The following MEIKIN variants were observed in gnomAD, a reference collection of about 807,000 sequenced individuals.
The protein encoded by MEIKIN is meiotic kinetochore factor.
At chr5:131,890,881 GT>G (rs1474493913) in intron 8 of MEIKIN, among the ~76,000 whole-genome samples, 1 of 152,190 alleles carries the variant, frequency 6.6e-6, no homozygotes, top group Non-Finnish European at 1.5e-5. Context: ...TCTACACACT[GT>G]TTTGTATGTG....
At chr5:131,842,488 G>T (rs961278006) in intron 11 of MEIKIN, among the ~76,000 whole-genome samples, 1 of 152,032 alleles carries the variant, frequency 6.6e-6, no homozygotes, top group Non-Finnish European at 1.5e-5. Context: ...TACCTAATTT[G>T]TTGAGAGTTT....
intron 11 of MEIKIN, among the ~76,000 whole-genome samples, chr5:131,847,546 A>G (rs978163574): frequency 1.1e-4 from 16 of 152,108 alleles, no homozygotes; most frequent in African/African-American, 3.9e-4. Flanking sequence ...TATGAAGTAA[A>G]AACTGACAGA....
At chr5:131,872,466 T>C (rs1412225746) in intron 9 of MEIKIN, among the ~76,000 whole-genome samples, 1 of 152,034 alleles carries the variant, frequency 6.6e-6, no homozygotes, top group African/African-American at 2.4e-5. Context: ...TAAAAAGAAA[T>C]GAACAAGGCT....
chr5:131,929,800 GC>G (rs1358250446), intron 5 of MEIKIN, among the ~76,000 whole-genome samples: 1 of 152,160 alleles, frequency 6.6e-6, no homozygotes, highest in Non-Finnish European at 1.5e-5. Context: ...TTCTGTTCCT[GC>G]ATTAATTTGC....
chr5:131,898,053 G>T (rs1241829473), intron 8 of MEIKIN, among the ~76,000 whole-genome samples: 1 of 152,108 alleles, frequency 6.6e-6, no homozygotes, highest in African/African-American at 2.4e-5. Context: ...TCTACCTTTG[G>T]TCTTTGATGT....
chr5:131,876,871 T>C (rs1405907018), intron 9 of MEIKIN, among the ~76,000 whole-genome samples: 1 of 151,936 alleles, frequency 6.6e-6, no homozygotes, highest in Non-Finnish European at 1.5e-5. Context: ...CTGGAAACCA[T>C]CATTCTCAGC....
At chr5:131,900,437 C>T (rs1273127817) in intron 8 of MEIKIN, among the ~76,000 whole-genome samples, 1 of 152,140 alleles carries the variant, frequency 6.6e-6, no homozygotes, top group East Asian at 1.9e-4. Flanking sequence ...TAGCAACCCA[C>T]CCTTACCATG....
At chr5:131,840,170 G>T (rs1368171440) in intron 11 of MEIKIN, among the ~76,000 whole-genome samples, 1 of 152,206 alleles carries the variant, frequency 6.6e-6, no homozygotes, top group Non-Finnish European at 1.5e-5. Context: ...CTTTCCTTAA[G>T]AATGTTGAAT....
chr5:131,885,127 T>G (rs1244004801), intron 8 of MEIKIN, among the ~76,000 whole-genome samples: 1 of 152,070 alleles, frequency 6.6e-6, no homozygotes, highest in Non-Finnish European at 1.5e-5. Flanking sequence ...GGGAAGGACA[T>G]AAGCTTAGTT....
At chr5:131,880,826 TA>T (rs1750691865) in intron 8 of MEIKIN, among the ~76,000 whole-genome samples, 1 of 152,216 alleles carries the variant, frequency 6.6e-6, no homozygotes, top group African/African-American at 2.4e-5. Context: ...CCAGATAAAA[TA>T]CACTATGCCC....
At chr5:131,815,238 G>C (rs1379479073) in intron 12 of MEIKIN, among the ~76,000 whole-genome samples, 1 of 152,198 alleles carries the variant, frequency 6.6e-6, no homozygotes, top group African/African-American at 2.4e-5. Flanking sequence ...TGCTAAAGAA[G>C]CTGGCCTAAT....
chr5:131,830,670 T>C (rs907877249), intron 11 of MEIKIN, among the ~76,000 whole-genome samples: 3 of 152,324 alleles, frequency 2.0e-5, no homozygotes, highest in South Asian at 2.1e-4. Flanking sequence ...TGGTCCAAAA[T>C]GTAGGCATGT....
At chr5:131,887,300 T>C (rs1051287730) in intron 8 of MEIKIN, among the ~76,000 whole-genome samples, 1 of 152,174 alleles carries the variant, frequency 6.6e-6, no homozygotes, top group African/African-American at 2.4e-5. Context: ...ATATTGTTTA[T>C]ATGTGTGCAT....
chr5:131,900,950 C>T (rs116588548), intron 8 of MEIKIN, among the ~76,000 whole-genome samples: 232 of 152,274 alleles, frequency 1.5e-3, no homozygotes, highest in African/African-American at 5.4e-3. Flanking sequence ...ACACCTAGAC[C>T]GCTTTGCTTG....
chr5:131,928,383 G>A (rs13173991), intron 5 of MEIKIN, among the ~76,000 whole-genome samples: 2 of 151,842 alleles, frequency 1.3e-5, no homozygotes, highest in South Asian at 2.1e-4. Flanking sequence ...TGTATATATC[G>A]ATAATGCTTT....
At chr5:131,864,504 C>T (rs1750349124) in intron 9 of MEIKIN, among the ~76,000 whole-genome samples, 1 of 152,166 alleles carries the variant, frequency 6.6e-6, no homozygotes, top group African/African-American at 2.4e-5. Context: ...ATATAGTATC[C>T]TCGGCTGGCA....
chr5:131,813,505 A>C (rs1197392821), intron 12 of MEIKIN, among the ~76,000 whole-genome samples: 1 of 149,836 alleles, frequency 6.7e-6, no homozygotes, highest in Non-Finnish European at 1.5e-5. Context: ...TGGCTCACTG[A>C]AAGCTCCGCC....
At chr5:131,814,595 T>C (rs988063590) in intron 12 of MEIKIN, among the ~76,000 whole-genome samples, 1 of 151,304 alleles carries the variant, frequency 6.6e-6, no homozygotes, top group African/African-American at 2.4e-5. Context: ...CCTCTCTCAA[T>C]GGGAAAAAAA....
chr5:131,835,224 GTA>G (rs1328078058), intron 11 of MEIKIN, among the ~76,000 whole-genome samples: 3 of 150,864 alleles, frequency 2.0e-5, no homozygotes, highest in Non-Finnish European at 4.4e-5. Flanking sequence ...ATATATATGT[GTA>G]TATATATGTA....
Sources: allele counts gnomAD v4.1 joint callset (sites outside exome capture counted in the v4.1 genomes callset), GRCh38; gene constraint gnomAD v4.1.1; transcripts MANE v1.5; gene names NCBI Gene and HGNC (gene_info 2026-07-23, HGNC 2026-07-21).